Variants in DYNLT1 observed in about 807,000 individuals in gnomAD.
The protein encoded by DYNLT1 is dynein light chain Tctex-type 1, also known as T-complex testis-specific protein 1 homolog.
In DYNLT1, 18 loss-of-function variants were observed where a neutral mutation model predicts 19.6. The ratio of observed to expected loss-of-function variants is 0.92; its 90% CI spans 0.64 to 1.36. The LOEUF (loss-of-function observed/expected upper bound fraction) is 1.36. Ranked by LOEUF, DYNLT1 falls within the 40% of genes most tolerant of loss-of-function variation. The probability of loss-of-function intolerance (pLI) is 0.00; values close to 1 mark genes in which losing one functional copy is unlikely to be tolerated. For synonymous variants in DYNLT1, 56 were observed against 44.0 expected, an observed-to-expected ratio of 1.27 and a Z score of -1.07; for missense variants, 137 against 139.3, an observed-to-expected ratio of 0.98 and a Z score of 0.08.
chr6:158,636,883 G>C lies in DYNLT1; in HGVS notation c.286C>G (p.Arg96Gly). Residue 96 changes from arginine to glycine, a missense_variant, in exon 5 of 5, where the codon CGA becomes GGA. By Grantham distance (125) the Arg-to-Gly change is moderately radical (BLOSUM62 -2). Coordinates refer to ENST00000367089, the MANE Select transcript of DYNLT1 (RefSeq NM_006519.4). ...DSSTDGSCTV[R>G]WENKTMYCIV... is the part of the protein sequence containing the mutation. ...CAGTACATGGTCTTATTCTCCCATC[G>C]CACAGTGCAGCTCCCTGCGGGAGGG... is the stretch of plus-strand genomic sequence containing the variant. 1 of 1,613,462 alleles carries C rather than the reference G, an allele frequency of 6.2e-7. No homozygotes were observed. Among genetic ancestry groups the C allele is most frequent in the Non-Finnish European group, 8.5e-7 (1 of 1,179,690 alleles).
chr6:158,638,463 T>C (rs1787068959), intron 2 of DYNLT1, among the ~76,000 whole-genome samples: 1 of 152,222 alleles, frequency 6.6e-6, no homozygotes, highest in African/African-American at 2.4e-5. Flanking sequence ...GGTGTCATGT[T>C]GCCCAGGCTG....
At chr6:158,642,827 A>C (rs1787165669) in intron 1 of DYNLT1, 1 of 152,274 alleles carries the variant, frequency 6.6e-6, no homozygotes, top group African/African-American at 2.4e-5. Context: ...AGTGGAAAGC[A>C]GAGTTGTATT....
intron 3 of DYNLT1, 189 bp downstream of exon 3, chr6:158,637,582 T>TA: frequency 1.2e-6 from 1 of 821,928 alleles, no homozygotes; most frequent in Non-Finnish European, 2.0e-6. Context: ...CCGCTTCACA[T>TA]ACGATCTGCA....
At chr6:158,641,418 T>C in intron 1 of DYNLT1, 58 bp from the exon 2 acceptor site, 1 of 1,437,276 alleles carries the variant, frequency 7.0e-7, no homozygotes, top group East Asian at 2.4e-5. Context: ...TCCACTACAT[T>C]GATAAATGCA....
At chr6:158,640,143 C>T (rs890758537) in intron 2 of DYNLT1, among the ~76,000 whole-genome samples, 3 of 152,080 alleles carry the variant, frequency 2.0e-5, no homozygotes, top group Non-Finnish European at 4.4e-5. Context: ...CTGTGTTCCA[C>T]GTGAAACTGT....
intron 1 of DYNLT1, 115 bp downstream of exon 1, chr6:158,644,567 C>G: frequency 1.5e-6 from 2 of 1,300,212 alleles, no homozygotes. Flanking sequence ...CGTGGGCTGC[C>G]GAGACTGGCC....
chr6:158,637,309 ATGT>A, intron 3 of DYNLT1, 104 bp from the exon 4 acceptor site: 1 of 996,014 alleles, frequency 1.0e-6, no homozygotes, highest in Non-Finnish European at 1.5e-6. Flanking sequence ...CACGTGGTTG[ATGT>A]TCTCGATAAA....
At chr6:158,644,542 C>CCT (rs1787301281) in intron 1 of DYNLT1, 140 bp downstream of exon 1, 1 of 980,872 alleles carries the variant, frequency 1.0e-6, no homozygotes, top group Non-Finnish European at 1.4e-6. Context: ...GCGCCGGCGA[C>CCT]CGGGAAGCTC....
chr6:158,644,734 C>T lies in DYNLT1; in HGVS notation c.-26G>A, dbSNP rs1787327894. 1 of 1,609,092 alleles carries T rather than the reference C, an allele frequency of 6.2e-7. No individual in the cohort carries two copies. The highest frequency in any genetic ancestry group is 1.3e-5 in the African/African-American group (1 of 75,008). ...CTTTCCTCCGGCGCGTCCCCTCCGG[C>T]TCCCTGAGTGGCGCGGACTGCGCAG... On this transcript the variant is annotated 5_prime_UTR_variant, in exon 1 of 5. Transcript: ENST00000367089.
In DYNLT1 at chr6:158,639,521, A is replaced by G. The variant is rs530927273; in HGVS notation, c.70-1627T>C. ...TTCAAGGAGGAGGGAACCCTCCACC[A>G]ATTTTGGACCTGCGCAAATTGACTA... On this transcript the variant is annotated intron_variant, in intron 2 of 4. Transcript: ENST00000367089. 2.6e-4 allele frequency among the ~76,000 whole-genome samples: 39 copies of G among 152,248 alleles called. No homozygotes were observed. The South Asian group carries it at 8.1e-3, about 32-fold the overall frequency.
At chr6:158,642,002 T>C (rs1787146421) in intron 1 of DYNLT1, 1 of 152,274 alleles carries the variant, frequency 6.6e-6, no homozygotes, top group Admixed American at 6.5e-5. Flanking sequence ...GATTTTTGTA[T>C]AAATTAACTG....
At chr6:158,637,979 A>T (rs1293191372) in intron 2 of DYNLT1, 85 bp from the exon 3 acceptor site, 1 of 1,552,620 alleles carries the variant, frequency 6.4e-7, no homozygotes, top group Non-Finnish European at 8.7e-7. Flanking sequence ...CACCCCAAGA[A>T]GTGATTTATG....
At chr6:158,637,916 G>A (rs200809602) in intron 2 of DYNLT1, 22 bp from the exon 3 acceptor site, 12 of 1,598,508 alleles carry the variant, frequency 7.5e-6, no homozygotes, top group East Asian at 6.7e-5. Flanking sequence ...AGCACAAAGC[G>A]CGTCCCGGTT....
intron 1 of DYNLT1, among the ~76,000 whole-genome samples, chr6:158,643,821 T>G (rs1787234955): frequency 6.6e-6 from 1 of 152,210 alleles, no homozygotes; most frequent in African/African-American, 2.4e-5. Flanking sequence ...CCTTACCAAA[T>G]GTATCTATAG....
chr6:158,637,942 C>CA (rs1219390344), intron 2 of DYNLT1, 48 bp from the exon 3 acceptor site: 1 of 1,592,084 alleles, frequency 6.3e-7, no homozygotes, highest in African/African-American at 1.3e-5. Context: ...AATGCACCCA[C>CA]ACCACCTTTC....
At chr6:158,641,468 G>T in intron 1 of DYNLT1, 108 bp from the exon 2 acceptor site, 1 of 962,238 alleles carries the variant, frequency 1.0e-6, no homozygotes, top group Non-Finnish European at 1.5e-6. Flanking sequence ...GAAGACCTTA[G>T]AAATAATCTA....
intron 3 of DYNLT1, 35 bp from the exon 4 acceptor site, chr6:158,637,240 A>T (rs767683046): frequency 2.5e-6 from 4 of 1,580,702 alleles, no homozygotes; most frequent in East Asian, 4.5e-5. Context: ...AGAGAAGTCT[A>T]CTGGGTAACA....
chr6:158,642,551 C>G (rs1355819740), intron 1 of DYNLT1: 1 of 122,724 alleles, frequency 8.1e-6, no homozygotes. Context: ...CTGTCCACTG[C>G]AGGCCCTGCC....
intron 2 of DYNLT1, among the ~76,000 whole-genome samples, chr6:158,638,780 C>G (rs1787076316): frequency 6.6e-6 from 1 of 152,156 alleles, no homozygotes; most frequent in Admixed American, 6.6e-5. Flanking sequence ...TATACGTTTA[C>G]TTCTTTATCT....
Sources: gnomAD v4.1 joint callset for allele counts (sites outside exome capture counted in the v4.1 genomes callset) on GRCh38, gnomAD v4.1.1 for gene constraint, MANE v1.5 for transcripts, NCBI Gene and HGNC (gene_info 2026-07-23, HGNC 2026-07-21) for gene names.